ATP9B: variants seen among roughly 807,000 people sequenced by gnomAD.
ATP9B encodes the protein ATPase phospholipid transporting 9B, also known as probable phospholipid-transporting ATPase IIB.
Under a neutral mutation model 146.1 loss-of-function variants are expected in ATP9B, and 110 were observed. The ratio of observed to expected loss-of-function variants is 0.75; its 90% CI spans 0.65 to 0.88. The LOEUF (loss-of-function observed/expected upper bound fraction) is 0.88, where lower values mean the gene tolerates loss of function less well. ATP9B is among the 40% of genes least tolerant of loss of function. ATP9B has a pLI of 0.00. For synonymous variants in ATP9B, 604 were observed against 569.7 expected (o/e 1.06, Z -0.86); for missense variants, 1,499 against 1,496.4 (o/e 1.00, Z -0.03).
At position 79,249,560 on chromosome 18, in the gene ATP9B, T is replaced by C. The variant is rs73973030; in HGVS notation, c.1108-3821T>C. Among the ~76,000 whole-genome samples, 774 of 152,370 alleles carry C rather than the reference T, an allele frequency of 5.1e-3. 10 individuals are homozygous for C. Among genetic ancestry groups the C allele is most frequent in the African/African-American group, 0.017 (703 of 41,596 alleles). Reference sequence around the variant, plus strand: ...TTTATGGGTGAAAAGTTTACAGTCATGGCAAAAGTTATCTGGTCTGTCCAG... The same window carrying C: ...TTTATGGGTGAAAAGTTTACAGTCACGGCAAAAGTTATCTGGTCTGTCCAG... On this transcript the variant is annotated intron_variant, in intron 11 of 29. Transcript: ENST00000426216.
At chr18:79,136,498 A>C (rs921429986) in intron 5 of ATP9B, among the ~76,000 whole-genome samples, 1 of 152,196 alleles carries the variant, frequency 6.6e-6, no homozygotes, top group Non-Finnish European at 1.5e-5. Flanking sequence ...TATAAGTTGC[A>C]TTAAATATGG....
Position 79,277,143 on chromosome 18 carries a change from G to C in ATP9B, c.1358G>C (p.Ser453Thr). 1 of 1,614,240 alleles carries C rather than the reference G, an allele frequency of 6.2e-7. No individual in the cohort carries two copies. Among genetic ancestry groups the C allele is most frequent in the South Asian group, 1.1e-5 (1 of 91,084 alleles). ...ENIPGTVVRT[S>T]TIPEELGRLV... ...ATCCCTGGCACGGTCGTTCGGACCA[G>C]CACTATCCCAGAGGAACTTGGGCGC... The change falls in exon 13 of 30, where the codon AGC becomes ACC. Residue 453 changes from serine (S) to threonine (T), a missense_variant. Physicochemically the swap from Ser to Thr is moderately conservative, Grantham distance 58. Transcript: ENST00000426216.
chr18:79,134,155 T>C (rs2094419436), intron 5 of ATP9B, among the ~76,000 whole-genome samples: 1 of 152,240 alleles, frequency 6.6e-6, no homozygotes, highest in East Asian at 1.9e-4. Flanking sequence ...GTTTTTCCTT[T>C]AGTTCTTTGG....
chr18:79,280,414 T>TA (rs1345040670), intron 13 of ATP9B, among the ~76,000 whole-genome samples: 3 of 152,140 alleles, frequency 2.0e-5, no homozygotes, highest in African/African-American at 4.8e-5. Flanking sequence ...AAATAAACCT[T>TA]AAAATGAAAA....
At chr18:79,267,599 A>G (rs896089369) in intron 12 of ATP9B, among the ~76,000 whole-genome samples, 2 of 152,076 alleles carry the variant, frequency 1.3e-5, no homozygotes, top group Non-Finnish European at 2.9e-5. Context: ...ACGTGATTTC[A>G]TCTTTGACCC....
intron 11 of ATP9B, among the ~76,000 whole-genome samples, chr18:79,220,088 T>C (rs1171700584): frequency 6.6e-6 from 1 of 152,214 alleles, no homozygotes; most frequent in Non-Finnish European, 1.5e-5. Context: ...CATGTGGACA[T>C]GTAAGCAGAG....
intron 9 of ATP9B, among the ~76,000 whole-genome samples, chr18:79,202,605 A>C (rs1000464070): frequency 1.1e-4 from 16 of 152,252 alleles, no homozygotes; most frequent in African/African-American, 3.9e-4. Flanking sequence ...AAAGAGAAGG[A>C]AAGTGAAATA....
intron 2 of ATP9B, among the ~76,000 whole-genome samples, chr18:79,105,649 TTC>T (rs549020054): frequency 3.2e-4 from 48 of 152,356 alleles, no homozygotes; most frequent in African/African-American, 1.0e-3. Flanking sequence ...ATATTGATAG[TTC>T]TCTGATCTGG....
At chr18:79,120,443 A>C (rs368703395) in intron 4 of ATP9B, among the ~76,000 whole-genome samples, 4 of 152,332 alleles carry the variant, frequency 2.6e-5, no homozygotes, top group African/African-American at 4.8e-5. Flanking sequence ...TTAATTAATA[A>C]TATTTCTTTT....
rs368074246 is a variant in ATP9B, at chr18:79,233,482, A to G, written c.1107+19444A>G. Among the ~76,000 whole-genome samples the G allele has an allele frequency of 6.0e-4, 92 of 152,288 alleles. 1 individual carries two copies. The South Asian group carries it at 6.2e-3, about 10-fold the overall frequency. On this transcript the variant is annotated intron_variant, in intron 11 of 29. Transcript: ENST00000426216. ...GGTGTATAATATTCAAACTACAAAA[A>G]CACTGAAGGCAAAGAGAGAATCTTG... is the stretch of plus-strand genomic sequence containing the variant.
rs1049836414 is a variant in ATP9B, at chr18:79,137,211, G to T, written c.668-6591G>T. ...CTGGTCTGGGAATACAGTTTTCATAGCTGTTTTCATGTCCGTGTCTGCTAA... is the reference window on the plus strand; with the variant it reads ...CTGGTCTGGGAATACAGTTTTCATATCTGTTTTCATGTCCGTGTCTGCTAA... On this transcript the variant is annotated intron_variant, in intron 5 of 29. Coordinates refer to ENST00000426216, the MANE Select transcript of ATP9B (RefSeq NM_198531.5). Among the ~76,000 whole-genome samples, 6 of 152,126 alleles carry T rather than the reference G, an allele frequency of 3.9e-5. No homozygotes were observed. In the South Asian group the frequency reaches 1.2e-3, roughly 32 times the overall value.
intron 17 of ATP9B, chr18:79,332,708 T>A (rs1023266665): frequency 6.6e-6 from 1 of 152,186 alleles, no homozygotes; most frequent in African/African-American, 2.4e-5. Flanking sequence ...ACCCATGTTG[T>A]TTAAGGGCCA....
Position 79,203,131 on chromosome 18 carries a change from C to T in ATP9B, c.955-3806C>T, listed in dbSNP as rs73971513. On this transcript the variant is annotated intron_variant, in intron 9 of 29. Transcript: ENST00000426216. ...GCAGGAGAACCGGGAGGAGCAGGTG[C>T]CTGATGCCTCATACAGGTGGAAGGC... 5.2e-3 allele frequency among the ~76,000 whole-genome samples: 796 copies of T among 152,278 alleles called. 12 individuals carry two copies. Among genetic ancestry groups the T allele is most frequent in the African/African-American group, 0.017 (725 of 41,562 alleles).
chr18:79,369,433 T>C (rs1209179175), intron 26 of ATP9B, among the ~76,000 whole-genome samples: 1 of 148,116 alleles, frequency 6.8e-6, no homozygotes, highest in African/African-American at 2.5e-5. Context: ...CTCGGGAGGC[T>C]GAGGTAGGAG....
At chr18:79,309,723 G>A (rs1599851707) in intron 15 of ATP9B, among the ~76,000 whole-genome samples, 1 of 152,142 alleles carries the variant, frequency 6.6e-6, no homozygotes, top group Admixed American at 6.5e-5. Context: ...TCTCTTAGGG[G>A]ATGAAAATGT....
chr18:79,335,118 G>A (rs1195636468), intron 17 of ATP9B, among the ~76,000 whole-genome samples: 1 of 152,210 alleles, frequency 6.6e-6, no homozygotes, highest in Non-Finnish European at 1.5e-5. Context: ...TTCCAGAAGT[G>A]GCTTCTGCCG....
chr18:79,224,850 G>A (rs956983473), intron 11 of ATP9B, among the ~76,000 whole-genome samples: 2 of 152,158 alleles, frequency 1.3e-5, no homozygotes, highest in Non-Finnish European at 2.9e-5. Flanking sequence ...TGTCCTTGGG[G>A]GGTTATGGCT....
intron 11 of ATP9B, among the ~76,000 whole-genome samples, chr18:79,232,550 T>G (rs2095802293): frequency 6.6e-6 from 1 of 152,180 alleles, no homozygotes; most frequent in Non-Finnish European, 1.5e-5. Context: ...GCTCCTATTA[T>G]CTCATACATC....
intron 7 of ATP9B, among the ~76,000 whole-genome samples, 178 bp downstream of exon 7, chr18:79,154,733 G>T (rs533248653): frequency 1.3e-5 from 2 of 152,294 alleles, no homozygotes; most frequent in East Asian, 3.9e-4. Context: ...TCTGAAAAGA[G>T]AGTCCACATT....
Sources: gnomAD v4.1 joint callset for allele counts (sites outside exome capture counted in the v4.1 genomes callset) on GRCh38, gnomAD v4.1.1 for gene constraint, MANE v1.5 for transcripts, NCBI Gene and HGNC (gene_info 2026-07-23, HGNC 2026-07-21) for gene names.